Variants in OSBP2 observed in about 807,000 individuals in gnomAD.
The protein encoded by OSBP2 is oxysterol binding protein 2.
In OSBP2, 66 loss-of-function variants were observed where a neutral mutation model predicts 96.0. The ratio of observed to expected loss-of-function variants is 0.69; its 90% CI spans 0.56 to 0.84. OSBP2 has a LOEUF of 0.84. Among genes scored for constraint, OSBP2 ranks in the 40% least tolerant of loss-of-function variants. The pLI is 0.00. For synonymous variants in OSBP2, 525 were observed against 520.9 expected (o/e 1.01, Z -0.11); for missense variants, 1,038 against 1,222.7 (o/e 0.85, Z 2.25).
At chr22:30,820,438 C>G (rs570343822) in intron 2 of OSBP2, among the ~76,000 whole-genome samples, 6 of 151,826 alleles carry the variant, frequency 4.0e-5, no homozygotes, top group Non-Finnish European at 7.4e-5. Flanking sequence ...AACCAAAACA[C>G]TATTCCAGAC....
At chr22:30,808,737 G>A (rs1343207420) in intron 2 of OSBP2, among the ~76,000 whole-genome samples, 6 of 151,956 alleles carry the variant, frequency 3.9e-5, no homozygotes, top group African/African-American at 4.8e-5. Context: ...GGCCGATCAC[G>A]AGGTCAGGAG....
intron 1 of OSBP2, among the ~76,000 whole-genome samples, chr22:30,707,014 G>A (rs749991079): frequency 3.9e-5 from 6 of 152,048 alleles, no homozygotes; most frequent in Admixed American, 6.6e-5. Context: ...CCTCCCCACC[G>A]GAACATAGGG....
chr22:30,776,337 C>T (rs2090436089), intron 2 of OSBP2, among the ~76,000 whole-genome samples: 1 of 152,076 alleles, frequency 6.6e-6, no homozygotes, highest in South Asian at 2.1e-4. Flanking sequence ...GTTGCCCAGG[C>T]TGGTCTCCAA....
intron 1 of OSBP2, among the ~76,000 whole-genome samples, chr22:30,698,758 C>T (rs1296811720): frequency 6.6e-6 from 1 of 151,694 alleles, no homozygotes; most frequent in East Asian, 2.0e-4. Flanking sequence ...CTAAGTGAAG[C>T]CTGGTGTTTG....
chr22:30,832,798 G>A (rs539960431), intron 2 of OSBP2, among the ~76,000 whole-genome samples: 4 of 152,298 alleles, frequency 2.6e-5, no homozygotes, highest in Non-Finnish European at 5.9e-5. Flanking sequence ...GAAGGAAGGG[G>A]AGGTGACCCT....
chr22:30,807,387 C>T (rs143449044), intron 2 of OSBP2, among the ~76,000 whole-genome samples: 152 of 152,332 alleles, frequency 1.0e-3, no homozygotes, highest in African/African-American at 3.5e-3. Flanking sequence ...TGCCCTTCAG[C>T]CAGGGTGCCT....
intron 2 of OSBP2, among the ~76,000 whole-genome samples, chr22:30,823,542 A>T (rs576385365): frequency 1.1e-4 from 17 of 152,338 alleles, no homozygotes; most frequent in Non-Finnish European, 1.5e-4. Context: ...GCACTCTCTG[A>T]TCTGTAATAA....
intron 12 of OSBP2, among the ~76,000 whole-genome samples, chr22:30,898,714 T>C (rs1182977244): frequency 6.6e-6 from 1 of 151,942 alleles, no homozygotes; most frequent in Non-Finnish European, 1.5e-5. Flanking sequence ...TCCCCTGACA[T>C]GTGGGGATTA....
intron 3 of OSBP2, among the ~76,000 whole-genome samples, chr22:30,880,731 C>T (rs2039686375): frequency 6.6e-6 from 1 of 152,180 alleles, no homozygotes; most frequent in South Asian, 2.1e-4. Flanking sequence ...AGATCACTGT[C>T]AGGATTAGGA....
intron 2 of OSBP2, among the ~76,000 whole-genome samples, chr22:30,837,045 G>A (rs2038649097): frequency 6.6e-6 from 1 of 152,100 alleles, no homozygotes; most frequent in Non-Finnish European, 1.5e-5. Flanking sequence ...GAGCCCAGGA[G>A]TTCAATACTA....
chr22:30,834,409 T>C (rs1441268521), intron 2 of OSBP2, among the ~76,000 whole-genome samples: 1 of 152,236 alleles, frequency 6.6e-6, no homozygotes, highest in African/African-American at 2.4e-5. Flanking sequence ...TTTGAGAGAC[T>C]GCTCAACTGT....
Position 30,881,259 on chromosome 22 carries a change from C to T in OSBP2, c.1108-6167C>T, listed in dbSNP as rs987531193. 2.0e-5 allele frequency among the ~76,000 whole-genome samples: 3 copies of T among 152,170 alleles called. No individual in the cohort carries two copies. Among genetic ancestry groups the T allele is most frequent in the Non-Finnish European group, 2.9e-5 (2 of 68,012 alleles). Reference sequence around the variant, plus strand: ...CCAGGACACTGGAACTCTGTCCCCACGCTGAGGACAATCAACCTGACAGGT... The same window carrying T: ...CCAGGACACTGGAACTCTGTCCCCATGCTGAGGACAATCAACCTGACAGGT... On this transcript the variant is annotated intron_variant, in intron 3 of 13. Coordinates refer to ENST00000332585, the MANE Select transcript of OSBP2 (RefSeq NM_030758.4). This position sits in a 1 kb window ranked among gnomAD's most constrained non-coding sequence, Gnocchi z 4.5.
intron 2 of OSBP2, among the ~76,000 whole-genome samples, chr22:30,840,398 G>T (rs1283318738): frequency 6.6e-6 from 1 of 151,732 alleles, no homozygotes; most frequent in Admixed American, 6.6e-5. Flanking sequence ...TTGTTCATTA[G>T]CTCTAGAATA....
chr22:30,715,553 AT>A (rs36019275), intron 1 of OSBP2, among the ~76,000 whole-genome samples: 84,561 of 142,898 alleles, frequency 0.59, 25,507 homozygotes, highest in Non-Finnish European at 0.69. Context: ...TAATTTTTAG[AT>A]TTTTTTTTTT....
At chr22:30,740,113 G>A (rs189952587) in intron 1 of OSBP2, among the ~76,000 whole-genome samples, 1 of 152,262 alleles carries the variant, frequency 6.6e-6, no homozygotes, top group African/African-American at 2.4e-5. Flanking sequence ...CCAAAGTGCT[G>A]GGATTAAAGG....
chr22:30,853,247 T>C (rs1194008059), intron 2 of OSBP2, among the ~76,000 whole-genome samples: 1 of 152,212 alleles, frequency 6.6e-6, no homozygotes, highest in Non-Finnish European at 1.5e-5. Context: ...GATTTGTCTT[T>C]CTCCTCTTAT....
chr22:30,837,261 C>CAA (rs34674333), intron 2 of OSBP2, among the ~76,000 whole-genome samples: 86 of 110,782 alleles, frequency 7.8e-4, no homozygotes, highest in African/African-American at 1.2e-3. Flanking sequence ...GACTCTGTCT[C>CAA]AAAAAAAAAA....
At chr22:30,725,093 G>A (rs1415258808) in intron 1 of OSBP2, among the ~76,000 whole-genome samples, 7 of 150,014 alleles carry the variant, frequency 4.7e-5, no homozygotes, top group Non-Finnish European at 7.4e-5. Context: ...GGAGAATGGC[G>A]TGAACCCAGG....
chr22:30,697,436 A>G (rs2089064534), intron 1 of OSBP2, among the ~76,000 whole-genome samples: 4 of 151,962 alleles, frequency 2.6e-5, no homozygotes, highest in Non-Finnish European at 5.9e-5. Flanking sequence ...GCGCCACCAC[A>G]CACGGTTAAT....
Sources: gnomAD v4.1 joint callset for allele counts (sites outside exome capture counted in the v4.1 genomes callset) on GRCh38, gnomAD v4.1.1 for gene constraint, Gnocchi (gnomAD v3.1) non-coding constraint, MANE v1.5 for transcripts, NCBI Gene and HGNC (gene_info 2026-07-23, HGNC 2026-07-21) for gene names.